MICU2: variants seen among roughly 807,000 people sequenced by gnomAD.
MICU2 encodes calcium uptake protein 2, mitochondrial.
In MICU2, 64 loss-of-function variants were observed where a neutral mutation model predicts 60.4. The ratio of observed to expected loss-of-function variants is 1.06; its 90% CI spans 0.87 to 1.31. The LOEUF (loss-of-function observed/expected upper bound fraction) is 1.31, where lower values mean the gene tolerates loss of function less well. Ranked by LOEUF, MICU2 falls within the 50% of genes most tolerant of loss-of-function variation. The pLI is 0.00. For synonymous variants in MICU2, 201 were observed against 175.0 expected (o/e 1.15, Z -1.17); for missense variants, 569 against 531.0 (o/e 1.07, Z -0.70).
At position 21,554,558 on chromosome 13, in the gene MICU2, A is replaced by T. The variant is rs947292149; in HGVS notation, c.358+12239T>A. 1.7e-3 allele frequency among the ~76,000 whole-genome samples: 259 copies of T among 152,144 alleles called. 1 individual carries two copies. The highest frequency in any genetic ancestry group is 2.9e-3 in the Non-Finnish European group (199 of 68,014). ...GTGTGTAGAGGGAAATTTATAGCAC[A>T]AAATGCCCACAAGAGAAAGCAGGAA... On this transcript the variant is annotated intron_variant, in intron 2 of 11. Transcript: ENST00000382374.
intron 1 of MICU2, among the ~76,000 whole-genome samples, chr13:21,584,728 G>C (rs1593356776): frequency 1.3e-5 from 2 of 152,132 alleles, no homozygotes; most frequent in Non-Finnish European, 2.9e-5. Context: ...AAGTTATTGA[G>C]ACAATATATT....
At chr13:21,586,163 C>T (rs1278738807) in intron 1 of MICU2, among the ~76,000 whole-genome samples, 1 of 152,142 alleles carries the variant, frequency 6.6e-6, no homozygotes, top group African/African-American at 2.4e-5. Flanking sequence ...CCCCTCTCCC[C>T]CTAACTATCT....
chr13:21,572,311 T>G (rs145293845), intron 1 of MICU2, among the ~76,000 whole-genome samples: 199 of 152,310 alleles, frequency 1.3e-3, no homozygotes, highest in African/African-American at 4.4e-3. Flanking sequence ...TCTGGAGGTT[T>G]TCAGGAGTTT....
rs1210937549 is a variant in MICU2 at position 21,555,243 on chromosome 13, T to C, written c.358+11554A>G. 2.0e-5 allele frequency among the ~76,000 whole-genome samples: 3 copies of C among 152,166 alleles called. No individual in the cohort carries two copies. The East Asian group carries it at 5.8e-4, about 29-fold the overall frequency. ...AAAAGAGAATTTTAGACCAATATCC[T>C]TGATGAACACTGATGCAAAAATCCT... is the stretch of plus-strand genomic sequence containing the variant. On this transcript the variant is annotated intron_variant, in intron 2 of 11. Transcript: ENST00000382374.
intron 4 of MICU2, among the ~76,000 whole-genome samples, chr13:21,538,227 C>G (rs895636706): frequency 6.6e-6 from 1 of 151,848 alleles, no homozygotes; most frequent in Non-Finnish European, 1.5e-5. Flanking sequence ...CTGATCTGTA[C>G]AGTTGGCCCT....
chr13:21,585,048 G>C (rs1888428954), intron 1 of MICU2, among the ~76,000 whole-genome samples: 2 of 152,144 alleles, frequency 1.3e-5, no homozygotes, highest in Admixed American at 6.5e-5. Context: ...TCACTGTATA[G>C]ATTTACAGTA....
chr13:21,515,144 C>T (rs907245325), intron 6 of MICU2, among the ~76,000 whole-genome samples: 1 of 149,122 alleles, frequency 6.7e-6, no homozygotes, highest in African/African-American at 2.5e-5. Context: ...TGCAGTGGCA[C>T]GATCCCGGCT....
intron 2 of MICU2, among the ~76,000 whole-genome samples, chr13:21,562,667 C>G (rs1423768372): frequency 1.3e-5 from 2 of 152,158 alleles, no homozygotes; most frequent in Admixed American, 6.5e-5. Context: ...CAAAAGTATT[C>G]CCAATTCCTC....
Position 21,495,314 on chromosome 13 carries a change from C to T in MICU2, c.1047G>A (p.Glu349=), listed in dbSNP as rs1035704712. 3.0e-5 allele frequency: 48 copies of T among 1,588,128 alleles called. No homozygotes were observed. The highest frequency in any genetic ancestry group is 3.7e-5 in the Non-Finnish European group (43 of 1,168,260). ...TTGCTACTTTCACAGCTCTCTTAAA[C>T]TCCGCTAAAAAACAAACATAAAACA... ...SLAHRPVRLA[E]FKRAVKVATG... Residue 349 remains glutamate (E), a synonymous_variant, in exon 11 of 12, where the codon GAG becomes GAA. Transcript: ENST00000382374.
intron 1 of MICU2, among the ~76,000 whole-genome samples, chr13:21,571,732 G>A (rs1412359964): frequency 6.6e-6 from 1 of 152,070 alleles, no homozygotes; most frequent in Non-Finnish European, 1.5e-5. Context: ...AAACAGAGTA[G>A]GAGATATTTA....
chr13:21,575,544 G>A (rs538811304), intron 1 of MICU2, among the ~76,000 whole-genome samples: 249 of 151,378 alleles, frequency 1.6e-3, no homozygotes, highest in African/African-American at 5.7e-3. Context: ...GCAACACGGC[G>A]AGACATCATA....
chr13:21,516,527 CTTTT>C (rs1886575016), intron 6 of MICU2, among the ~76,000 whole-genome samples: 1 of 152,178 alleles, frequency 6.6e-6, no homozygotes, highest in Admixed American at 6.5e-5. Flanking sequence ...CCACAAACAT[CTTTT>C]ACAACTCAAT....
intron 9 of MICU2, among the ~76,000 whole-genome samples, chr13:21,496,941 A>T (rs922638699): frequency 6.6e-6 from 1 of 152,162 alleles, no homozygotes; most frequent in Non-Finnish European, 1.5e-5. Context: ...AGGCGCCTGT[A>T]GTCCCAGCTA....
intron 6 of MICU2, among the ~76,000 whole-genome samples, chr13:21,519,385 C>T (rs1234633196): frequency 6.6e-6 from 1 of 152,050 alleles, no homozygotes; most frequent in Non-Finnish European, 1.5e-5. Context: ...TTAAACACTC[C>T]CTCTCCCATT....
intron 1 of MICU2, among the ~76,000 whole-genome samples, chr13:21,574,853 T>A (rs1888187992): frequency 6.6e-6 from 1 of 152,256 alleles, no homozygotes; most frequent in Admixed American, 6.5e-5. Flanking sequence ...GAAATTTTCA[T>A]TTGACACAAC....
In MICU2 at chr13:21,560,437, T is replaced by C. The variant is rs556886752; in HGVS notation, c.358+6360A>G. On this transcript the variant is annotated intron_variant, in intron 2 of 11. Coordinates refer to ENST00000382374, the MANE Select transcript of MICU2 (RefSeq NM_152726.3). ...TTCCCTTGTGTTTCTGGGCTCTTTATTCTGTTCCACTGGTCAGTTTGTCTA... is the reference window on the plus strand; with the variant it reads ...TTCCCTTGTGTTTCTGGGCTCTTTACTCTGTTCCACTGGTCAGTTTGTCTA... Among the ~76,000 whole-genome samples the C allele has an allele frequency of 2.0e-4, 31 of 152,330 alleles. No individual in the cohort carries two copies. The South Asian group carries it at 6.2e-3, about 31-fold the overall frequency.
In MICU2 at chr13:21,539,691, A is replaced by G; in HGVS notation, c.359-3T>C. 6.2e-7 allele frequency: 1 copy of G among 1,613,864 alleles called. No individual in the cohort carries two copies. ...CAGCTTCTTGACTGAAGTTTTACCT[A>G]CAACAAATAAGAAACATTATTTAGT... On this transcript the variant is annotated splice_region_variant and splice_polypyrimidine_tract_variant and intron_variant, in intron 2 of 11. Transcript: ENST00000382374.
At chr13:21,534,825 T>C (rs1044753671) in intron 4 of MICU2, among the ~76,000 whole-genome samples, 1 of 152,092 alleles carries the variant, frequency 6.6e-6, no homozygotes, top group Non-Finnish European at 1.5e-5. Flanking sequence ...AATCAGAGAG[T>C]ACAGTGTAAC....
chr13:21,555,124 T>G (rs561178449), intron 2 of MICU2, among the ~76,000 whole-genome samples: 30 of 152,286 alleles, frequency 2.0e-4, no homozygotes, highest in African/African-American at 7.2e-4. Context: ...CTTCTGAAAC[T>G]ATTCCAATCA....
Sources: gnomAD v4.1 joint callset for allele counts (sites outside exome capture counted in the v4.1 genomes callset) on GRCh38, gnomAD v4.1.1 for gene constraint, MANE v1.5 for transcripts, NCBI Gene and HGNC (gene_info 2026-07-23, HGNC 2026-07-21) for gene names.